Variants in EIF2AK2 observed in about 807,000 individuals in gnomAD.
The protein encoded by EIF2AK2 is eukaryotic translation initiation factor 2 alpha kinase 2.
EIF2AK2 carries 40 observed loss-of-function variants against 70.5 expected under a neutral mutation model. That is an observed-to-expected ratio of 0.57 (90% confidence interval 0.44 to 0.74). The LOEUF (loss-of-function observed/expected upper bound fraction) is 0.74, where lower values mean the gene tolerates loss of function less well. Ranked by LOEUF, EIF2AK2 falls within the 30% of genes least tolerant of loss-of-function variation. The probability of loss-of-function intolerance (pLI) is 0.00; values close to 1 mark genes in which losing one functional copy is unlikely to be tolerated. For missense variants in EIF2AK2, 555 were observed against 644.3 expected, an observed-to-expected ratio of 0.86 and a Z score of 1.50; for synonymous variants, 198 against 220.9, an observed-to-expected ratio of 0.90 and a Z score of 0.92.
chr2:37,128,988 C>A (rs1490527205), intron 10 of EIF2AK2, among the ~76,000 whole-genome samples: 1 of 152,156 alleles, frequency 6.6e-6, no homozygotes, highest in Non-Finnish European at 1.5e-5. Flanking sequence ...CTAAAATATA[C>A]CAATTTGGAC....
intron 8 of EIF2AK2, 103 bp downstream of exon 8, chr2:37,138,167 T>TA (rs573449816): frequency 4.7e-6 from 4 of 848,860 alleles, no homozygotes; most frequent in East Asian, 5.6e-5. Flanking sequence ...GTGCATAAGA[T>TA]AAAAAATATA....
chr2:37,114,948 T>G, intron 13 of EIF2AK2, 89 bp from the exon 14 acceptor site: 1 of 908,504 alleles, frequency 1.1e-6, no homozygotes, highest in Non-Finnish European at 1.5e-6. Flanking sequence ...ACTATTTTTA[T>G]ATTATTTATA....
At chr2:37,125,241 C>T (rs932497021) in intron 11 of EIF2AK2, among the ~76,000 whole-genome samples, 1 of 152,048 alleles carries the variant, frequency 6.6e-6, no homozygotes, top group Non-Finnish European at 1.5e-5. Flanking sequence ...GAACTCCTGA[C>T]CTCAGGTGAT....
chr2:37,145,144 T>A (rs1034702325), intron 4 of EIF2AK2, among the ~76,000 whole-genome samples: 2 of 147,198 alleles, frequency 1.4e-5, no homozygotes, highest in Admixed American at 1.3e-4. Context: ...TTTGTGGGTT[T>A]TTTTTTTTTT....
intron 11 of EIF2AK2, among the ~76,000 whole-genome samples, chr2:37,123,581 A>G (rs1674629862): frequency 6.6e-6 from 1 of 152,124 alleles, no homozygotes; most frequent in African/African-American, 2.4e-5. Context: ...GCAATTTTTC[A>G]TAGCTAAATC....
chr2:37,122,287 T>C (rs1222312418), intron 12 of EIF2AK2, among the ~76,000 whole-genome samples: 2 of 152,128 alleles, frequency 1.3e-5, no homozygotes, highest in Non-Finnish European at 2.9e-5. Flanking sequence ...CAGCTGAGGA[T>C]GTAACAGAGG....
chr2:37,107,076 A>G lies in EIF2AK2; in HGVS notation c.*197T>C. On this transcript the variant is annotated 3_prime_UTR_variant, in exon 17 of 17. Coordinates refer to ENST00000233057, the MANE Select transcript of EIF2AK2 (RefSeq NM_001135651.3). ...AAAAAGAATAAAGAGATGAGCCAGG[A>G]AAAAGTAAAATGTAAGAATGTTTTT... 1 of 674,164 alleles carries G rather than the reference A, an allele frequency of 1.5e-6. No individual in the cohort carries two copies. 41.8% of individuals were successfully genotyped at this position (674,164 alleles called of 1,614,324 possible).
At chr2:37,112,738 T>C (rs1420392750) in intron 14 of EIF2AK2, among the ~76,000 whole-genome samples, 1 of 152,204 alleles carries the variant, frequency 6.6e-6, no homozygotes, top group Non-Finnish European at 1.5e-5. Flanking sequence ...TATGATAAAA[T>C]AATATTTTAT....
Position 37,153,251 on chromosome 2 carries a change from C to G in EIF2AK2, c.-184+3657G>C, listed in dbSNP as rs1004377044. 1.7e-4 allele frequency among the ~76,000 whole-genome samples: 26 copies of G among 151,904 alleles called. 1 individual carries two copies. The highest frequency in any genetic ancestry group is 2.9e-4 in the Non-Finnish European group (20 of 67,976). On this transcript the variant is annotated intron_variant, in intron 1 of 16. Transcript: ENST00000233057. ...TGTGTAGCCGCCACCACATCCACATCCACAACTCTTAATCTTTCCAAACAG... is the reference window on the plus strand; with the variant it reads ...TGTGTAGCCGCCACCACATCCACATGCACAACTCTTAATCTTTCCAAACAG...
At position 37,104,444 on chromosome 2, in the gene EIF2AK2, C is replaced by T. The variant is rs531069063; in HGVS notation, c.*2829G>A. 6.6e-6 allele frequency: 1 copy of T among 152,062 alleles called. No homozygotes were observed. Among genetic ancestry groups the T allele is most frequent in the Non-Finnish European group, 1.5e-5 (1 of 68,052 alleles). 9.4% of individuals were successfully genotyped at this position (152,062 alleles called of 1,614,324 possible). A position where few individuals can be genotyped will look rare whatever the true frequency, so the allele number is the denominator to read the frequency against. On this transcript the variant is annotated 3_prime_UTR_variant, in exon 17 of 17. Transcript: ENST00000233057. ...AAGTGATCCTCCCACCTCACCCCCC[C>T]AAGTAGCTGGGACCACAGATGCACA...
In EIF2AK2 at chr2:37,126,373, G is replaced by A. The variant is rs766082939; in HGVS notation, c.824C>T (p.Ser275Leu). 3 of 1,611,344 alleles carry A rather than the reference G, an allele frequency of 1.9e-6. No homozygotes were observed. The highest frequency in any genetic ancestry group is 2.5e-6 in the Non-Finnish European group (3 of 1,179,120). ...TTTGAAAACTTGGCCAAATCCACCT[G>A]AGCCAATTAATTCTATTTCTTTAAA... The part of the protein sequence containing the change: ...MDFKEIELIG[S>L]GGFGQVFKAK... The change falls in exon 11 of 17, where the codon TCA (serine) becomes TTA (leucine). Residue 275 changes from serine (S) to leucine (L), a missense_variant. Coordinates refer to ENST00000233057, the MANE Select transcript of EIF2AK2 (RefSeq NM_001135651.3).
chr2:37,120,517 A>T (rs1447563489), intron 12 of EIF2AK2, among the ~76,000 whole-genome samples: 1 of 136,848 alleles, frequency 7.3e-6, no homozygotes, highest in Non-Finnish European at 1.6e-5. Flanking sequence ...ACAAAAAAAA[A>T]AAAAAAAAGA....
intron 11 of EIF2AK2, among the ~76,000 whole-genome samples, chr2:37,123,470 G>A (rs1053020529): frequency 5.3e-5 from 8 of 152,076 alleles, no homozygotes; most frequent in African/African-American, 1.2e-4. Flanking sequence ...GTTTTGCCAC[G>A]CTGCCCATGC....
chr2:37,147,306 CTTTTT>C (rs142368234), intron 3 of EIF2AK2, among the ~76,000 whole-genome samples: 2 of 149,396 alleles, frequency 1.3e-5, no homozygotes, highest in East Asian at 3.9e-4. Flanking sequence ...TATCTTTTTT[CTTTTT>C]TTTTTAATTT....
rs1674730177 is a variant in EIF2AK2, at chr2:37,126,419, A to AT, written c.786-9dup. The stretch of plus-strand genomic sequence containing the variant: ...TTAAAATCCATGCCAAACCTTAAAG[A>AT]TAAAAACCACTGTTATTTTGACATT... On this transcript the variant is annotated splice_polypyrimidine_tract_variant and intron_variant, in intron 10 of 16. Coordinates refer to ENST00000233057, the MANE Select transcript of EIF2AK2 (RefSeq NM_001135651.3). 7 of 1,604,090 alleles carry AT rather than the reference A, an allele frequency of 4.4e-6. 1 individual carries two copies. The South Asian group carries it at 7.8e-5, about 18-fold the overall frequency.
chr2:37,119,987 G>A lies in EIF2AK2; in HGVS notation c.1220C>T (p.Ser407Leu). ...AAGATCTCTATGAATTAATTTTTTT[G>A]AATGTATATAATCCACCCCTTTTGT... ...QITKGVDYIHSKKLIHRDLKP... is the reference protein window; with the variant it reads ...QITKGVDYIHLKKLIHRDLKP... The change falls in exon 13 of 17, where the codon TCA becomes TTA. Residue 407 changes from serine to leucine, a missense_variant. Ser to Leu is a moderately radical substitution (Grantham distance 145, BLOSUM62 -2). This residue lies in a region of EIF2AK2 where 299 missense variants were observed against 375.4 expected (regional missense o/e 0.80). Coordinates refer to ENST00000233057, the MANE Select transcript of EIF2AK2 (RefSeq NM_001135651.3). The A allele has an allele frequency of 6.8e-7, 1 of 1,469,330 alleles. No individual in the cohort carries two copies. The highest frequency in any genetic ancestry group is 2.6e-5 in the East Asian group (1 of 39,018). The allele number at this position is 1,469,330 out of a possible 1,614,324, so 91.0% of individuals were successfully genotyped here.
At chr2:37,122,383 GTCTC>G in intron 12 of EIF2AK2, 119 bp downstream of exon 12, 1 of 1,053,858 alleles carries the variant, frequency 9.5e-7, no homozygotes, top group Non-Finnish European at 1.3e-6. Flanking sequence ...AGATAACAGT[GTCTC>G]TCAGAGGGAA....
At chr2:37,148,812 A>C in intron 2 of EIF2AK2, 45 bp downstream of exon 2, 1 of 830,704 alleles carries the variant, frequency 1.2e-6, no homozygotes, top group Non-Finnish European at 2.1e-6. Flanking sequence ...ATTGACTTAG[A>C]TGATGCCACT....
intron 4 of EIF2AK2, among the ~76,000 whole-genome samples, chr2:37,142,073 C>A (rs1268193067): frequency 6.6e-6 from 1 of 152,092 alleles, no homozygotes; most frequent in Non-Finnish European, 1.5e-5. Flanking sequence ...ATCATTTCTA[C>A]TATTATTATC....
Sources: allele counts gnomAD v4.1 joint callset (sites outside exome capture counted in the v4.1 genomes callset), GRCh38; gene constraint gnomAD v4.1.1; regional missense constraint gnomAD v4.1.1; transcripts MANE v1.5; gene names NCBI Gene and HGNC (gene_info 2026-07-23, HGNC 2026-07-21).